The following MTMR1 variants were observed in gnomAD, a reference collection of about 807,000 sequenced individuals.
The protein encoded by MTMR1 is myotubularin related protein 1.
A neutral mutation model predicts 51.6 loss-of-function variants in MTMR1; 17 were observed. The observed-to-expected ratio is 0.33, with a 90% CI of 0.23 to 0.49. The LOEUF is 0.49. Ranked by LOEUF, MTMR1 falls within the 20% of genes least tolerant of loss-of-function variation. The pLI, the probability that MTMR1 is intolerant of heterozygous loss-of-function variation, is 0.99. For synonymous variants in MTMR1, 201 were observed against 205.6 expected (o/e 0.98, Z 0.19); for missense variants, 386 against 526.9 (o/e 0.73, Z 2.62).
At chrX:150,715,035 T>C (rs1245966602) in intron 3 of MTMR1, among the ~76,000 whole-genome samples, 1 of 112,005 alleles carries the variant, frequency 8.9e-6, no homozygotes, top group African/African-American at 3.3e-5. Flanking sequence ...CTCTGGAGTC[T>C]TTTAAAGCTG....
chrX:150,728,296 G>A (rs1460418559), intron 6 of MTMR1, among the ~76,000 whole-genome samples: 1 of 112,222 alleles, frequency 8.9e-6, no homozygotes, highest in African/African-American at 3.2e-5. Context: ...GCAGTTGTTC[G>A]AATCCTCCAA....
At chrX:150,734,226 T>C (rs1436575992) in intron 10 of MTMR1, among the ~76,000 whole-genome samples, 1 of 112,873 alleles carries the variant, frequency 8.9e-6, no homozygotes, top group Non-Finnish European at 1.9e-5. Flanking sequence ...TGATGACATT[T>C]AGGTTCCACC....
In MTMR1 at chrX:150,762,735, G is replaced by T; in HGVS notation, c.*6G>T. ...CCGTCCACACCTCGGTCTGATGGGC[G>T]AGGTCAGCCTGCTGCTCCACTGTCT... On this transcript the variant is annotated 3_prime_UTR_variant, in exon 16 of 16. Transcript: ENST00000445323. The T allele has an allele frequency of 8.6e-7, 1 of 1,161,416 alleles. No individual in the cohort carries two copies.
intron 15 of MTMR1, among the ~76,000 whole-genome samples, chrX:150,760,330 AG>A (rs1361897200): frequency 1.0e-5 from 1 of 96,250 alleles, no homozygotes; most frequent in Non-Finnish European, 2.3e-5. Flanking sequence ...GAGGGAGTGC[AG>A]GGGGGTAAAC....
chrX:150,760,348 G>A (rs782294350), intron 15 of MTMR1, among the ~76,000 whole-genome samples: 1 of 98,884 alleles, frequency 1.0e-5, no homozygotes, highest in African/African-American at 3.4e-5. Context: ...AAACGACAGG[G>A]CAGATGCAAG....
chrX:150,743,261 C>T (rs1557417366), intron 12 of MTMR1, among the ~76,000 whole-genome samples: 1 of 110,583 alleles, frequency 9.0e-6, no homozygotes, highest in African/African-American at 3.3e-5. Context: ...ATTAGCTGAG[C>T]ATGATGGCTC....
At chrX:150,759,683 C>G (rs1194588879) in intron 15 of MTMR1, among the ~76,000 whole-genome samples, 1 of 109,671 alleles carries the variant, frequency 9.1e-6, no homozygotes, top group East Asian at 2.8e-4. Context: ...CGCGACAGAT[C>G]TGTTCCCAGA....
chrX:150,739,051 G>A (rs2148643906), intron 12 of MTMR1, among the ~76,000 whole-genome samples: 1 of 112,364 alleles, frequency 8.9e-6, no homozygotes, highest in Admixed American at 9.4e-5. Context: ...ATGGAAAGCA[G>A]GAAGATGGGT....
chrX:150,751,910 CTTTTTTTTTTTT>C (rs35937277), intron 14 of MTMR1, among the ~76,000 whole-genome samples: 4 of 41,622 alleles, frequency 9.6e-5, no homozygotes, highest in African/African-American at 1.1e-4. Context: ...CTTTTTCTTT[CTTTTTTTTTTTT>C]TTTTTTTTTT....
intron 15 of MTMR1, 152 bp downstream of exon 15, chrX:150,756,017 T>C: frequency 2.0e-6 from 1 of 494,465 alleles, no homozygotes; most frequent in African/African-American, 2.4e-5. Flanking sequence ...TTTGCATTCA[T>C]GTTCCAGGAG....
rs1189782189 is a variant in MTMR1, at chrX:150,764,573, C to T, written c.*1844C>T. Reference sequence around the variant, plus strand: ...CATAGTGTGGACTGGATGATGCCTTCGACAAACCAGAGAAGCCAAGTTGGG... The same window carrying T: ...CATAGTGTGGACTGGATGATGCCTTTGACAAACCAGAGAAGCCAAGTTGGG... On this transcript the variant is annotated 3_prime_UTR_variant, in exon 16 of 16. Coordinates refer to ENST00000445323, the MANE Select transcript of MTMR1 (RefSeq NM_001306144.3). The T allele has an allele frequency of 7.2e-5, 8 of 110,957 alleles. No homozygotes were observed. Among genetic ancestry groups the T allele is most frequent in the East Asian group, 2.8e-4 (1 of 3,547 alleles). 9.1% of individuals were successfully genotyped at this position (110,957 alleles called of 1,213,427 possible).
In MTMR1 at chrX:150,744,446, C is replaced by T; in HGVS notation, c.1559C>T (p.Thr520Ile). Reference protein sequence around the residue: ...LQFVDCVWQMTRQFPSAFEFN... With the variant: ...LQFVDCVWQMIRQFPSAFEFN... Reference sequence around the variant, plus strand: ...TTTGTTGATTGTGTTTGGCAAATGACAAGGCAGGTGAGAGATTTCAAGTAT... The same window carrying T: ...TTTGTTGATTGTGTTTGGCAAATGATAAGGCAGGTGAGAGATTTCAAGTAT... Residue 520 changes from threonine to isoleucine, a missense_variant, in exon 13 of 16, where the codon ACA becomes ATA. By Grantham distance (89) the Thr-to-Ile change is moderately conservative. Coordinates refer to ENST00000445323, the MANE Select transcript of MTMR1 (RefSeq NM_001306144.3). 1 of 1,202,095 alleles carries T rather than the reference C, an allele frequency of 8.3e-7. No individual in the cohort carries two copies. Among genetic ancestry groups the T allele is most frequent in the South Asian group, 1.8e-5 (1 of 56,628 alleles).
intron 10 of MTMR1, 87 bp from the exon 11 acceptor site, chrX:150,736,508 T>C: frequency 1.1e-6 from 1 of 899,729 alleles, no homozygotes; most frequent in Non-Finnish European, 1.5e-6. Context: ...AGTTTGTTGC[T>C]TCTTTAGTGG....
intron 13 of MTMR1, among the ~76,000 whole-genome samples, chrX:150,750,124 C>CAA (rs200776995): frequency 1.5e-4 from 15 of 99,230 alleles, no homozygotes; most frequent in African/African-American, 5.5e-4. Flanking sequence ...GACTCCGTCT[C>CAA]AAAAAAAAAA....
chrX:150,747,313 G>A (rs1340735459), intron 13 of MTMR1, among the ~76,000 whole-genome samples: 1 of 110,060 alleles, frequency 9.1e-6, no homozygotes, highest in African/African-American at 3.3e-5. Context: ...AAATTAGCCA[G>A]GCATGGTGGT....
In MTMR1 at chrX:150,693,540, CCGG is replaced by C. The variant is rs782326539; in HGVS notation, c.29_31del (p.Ala10del). ...CAGGACTCGGCGCGCCATGGACAGGCCGGCGGCGGCGGCGGCGGCGGGCTGCGA... is the reference window on the plus strand; with the variant it reads ...CAGGACTCGGCGCGCCATGGACAGGCCGGCGGCGGCGGCGGCGGGCTGCGA... On this transcript the variant is annotated inframe_deletion, in exon 1 of 16. Coordinates refer to ENST00000445323, the MANE Select transcript of MTMR1 (RefSeq NM_001306144.3). 3.5e-4 allele frequency: 260 copies of C among 733,814 alleles called. No individual in the cohort carries two copies. The highest frequency in any genetic ancestry group is 6.0e-4 in the East Asian group (4 of 6,671). 60.5% of individuals were successfully genotyped at this position (733,814 alleles called of 1,213,427 possible).
chrX:150,694,511 A>G (rs1388531390), intron 1 of MTMR1, among the ~76,000 whole-genome samples: 1 of 112,001 alleles, frequency 8.9e-6, no homozygotes. Context: ...GCACTGTTGG[A>G]ATGTAGCTCA....
rs34358686 is a variant in MTMR1 at position 150,702,088 on chromosome X, CT to C, written c.252+2802del. Among the ~76,000 whole-genome samples the C allele has an allele frequency of 5.3e-3, 500 of 94,771 alleles. 3 individuals are homozygous for C. Among genetic ancestry groups the C allele is most frequent in the African/African-American group, 0.012 (316 of 26,172 alleles). 82.3% of individuals were successfully genotyped at this position (94,771 alleles called of 115,157 possible). ...TTCTTTTTCTTCTTCTTCTTTCTTT[CT>C]TTTTTTTTTTTTTATAGAGATGGGG... On this transcript the variant is annotated intron_variant, in intron 2 of 15. Coordinates refer to ENST00000445323, the MANE Select transcript of MTMR1 (RefSeq NM_001306144.3).
intron 1 of MTMR1, among the ~76,000 whole-genome samples, chrX:150,694,391 G>C (rs1366551063): frequency 9.0e-6 from 1 of 111,626 alleles, no homozygotes; most frequent in Non-Finnish European, 1.9e-5. Flanking sequence ...GAACTGGGAG[G>C]GGCCACCGCC....
Sources: allele counts gnomAD v4.1 joint callset (sites outside exome capture counted in the v4.1 genomes callset), GRCh38; gene constraint gnomAD v4.1.1; transcripts MANE v1.5; gene names NCBI Gene and HGNC (gene_info 2026-07-23, HGNC 2026-07-21).